Variants in CPNE4 observed in about 807,000 individuals in gnomAD.
The protein encoded by CPNE4 is copine-4.
Under a neutral mutation model 67.9 loss-of-function variants are expected in CPNE4, and 25 were observed. The ratio of observed to expected loss-of-function variants is 0.37; its 90% CI spans 0.27 to 0.51. CPNE4 has a LOEUF of 0.51. CPNE4 is among the 20% of genes least tolerant of loss of function. The pLI is 0.93. For missense variants in CPNE4, 464 were observed against 690.8 expected (o/e 0.67, Z 3.68); for synonymous variants, 242 against 244.9 (o/e 0.99, Z 0.11).
intron 7 of CPNE4, among the ~76,000 whole-genome samples, chr3:131,606,941 T>G (rs2107734292): frequency 6.6e-6 from 1 of 151,958 alleles, no homozygotes; most frequent in South Asian, 2.1e-4. Context: ...CAGCCATTTC[T>G]GGCCAATCTT....
At chr3:131,839,815 C>T (rs898220567) in intron 2 of CPNE4, among the ~76,000 whole-genome samples, 2 of 152,110 alleles carry the variant, frequency 1.3e-5, no homozygotes, top group African/African-American at 4.8e-5. Flanking sequence ...TACCAGGTAA[C>T]CCCAGGCAGA....
intron 6 of CPNE4, among the ~76,000 whole-genome samples, chr3:131,683,145 G>A (rs564024743): frequency 1.6e-4 from 25 of 152,256 alleles, no homozygotes; most frequent in Middle Eastern, 3.4e-3. Flanking sequence ...TGGCTGAGCT[G>A]GTACCTAAGT....
At chr3:131,969,184 C>T (rs1378294073) in intron 1 of CPNE4, among the ~76,000 whole-genome samples, 1 of 151,866 alleles carries the variant, frequency 6.6e-6, no homozygotes, top group African/African-American at 2.4e-5. Flanking sequence ...GGAAGGGGAA[C>T]ATCACACACC....
At chr3:132,006,570 C>T (rs1388184784) in intron 1 of CPNE4, among the ~76,000 whole-genome samples, 2 of 152,026 alleles carry the variant, frequency 1.3e-5, no homozygotes, top group Admixed American at 1.3e-4. Flanking sequence ...TCATACAACT[C>T]GAAATCTTCT....
chr3:131,947,097 T>A (rs989045355), intron 1 of CPNE4, among the ~76,000 whole-genome samples: 1 of 152,204 alleles, frequency 6.6e-6, no homozygotes. Context: ...ACTGTTGTGA[T>A]TATTGTAGCT....
chr3:131,867,000 C>T (rs2086979965), intron 2 of CPNE4, among the ~76,000 whole-genome samples: 2 of 152,136 alleles, frequency 1.3e-5, no homozygotes, highest in African/African-American at 4.8e-5. Flanking sequence ...TAAGACACCA[C>T]CTGGCATTAA....
At chr3:131,570,446 A>G (rs1373705356) in intron 10 of CPNE4, among the ~76,000 whole-genome samples, 1 of 152,052 alleles carries the variant, frequency 6.6e-6, no homozygotes, top group Non-Finnish European at 1.5e-5. Context: ...CTAACGTGTC[A>G]TCTAGCATTA....
intron 2 of CPNE4, among the ~76,000 whole-genome samples, chr3:131,840,279 C>A (rs1460218489): frequency 6.7e-6 from 1 of 149,010 alleles, no homozygotes; most frequent in Admixed American, 6.9e-5. Flanking sequence ...ATTTCCTCTG[C>A]AGTGAGCCCT....
At chr3:131,649,679 A>G (rs1042476037) in intron 7 of CPNE4, among the ~76,000 whole-genome samples, 2 of 152,106 alleles carry the variant, frequency 1.3e-5, no homozygotes, top group Admixed American at 6.6e-5. Context: ...ATCAATTCTT[A>G]TAGGGTTTGG....
intron 3 of CPNE4, among the ~76,000 whole-genome samples, chr3:131,716,653 A>T (rs995189248): frequency 2.0e-5 from 3 of 152,182 alleles, no homozygotes; most frequent in African/African-American, 7.2e-5. Context: ...GATTCTTGCC[A>T]CAGTAATAAC....
chr3:131,612,637 C>G (rs1939918210), intron 7 of CPNE4, among the ~76,000 whole-genome samples: 1 of 152,072 alleles, frequency 6.6e-6, no homozygotes, highest in Non-Finnish European at 1.5e-5. Context: ...ATCATTCATC[C>G]CCCGATTACT....
At chr3:131,562,601 T>C (rs1388095498) in intron 11 of CPNE4, among the ~76,000 whole-genome samples, 3 of 152,036 alleles carry the variant, frequency 2.0e-5, no homozygotes, top group Non-Finnish European at 2.9e-5. Flanking sequence ...AGATTACTAA[T>C]GTGTGTATGC....
chr3:131,545,833 G>A (rs1460663073), intron 14 of CPNE4, among the ~76,000 whole-genome samples: 1 of 152,190 alleles, frequency 6.6e-6, no homozygotes. Context: ...GAAGGCCTAG[G>A]TGGGCGGATC....
intron 2 of CPNE4, among the ~76,000 whole-genome samples, chr3:131,754,623 T>C (rs1913289): frequency 0.32 from 48,905 of 152,060 alleles, 8,056 homozygotes; most frequent in South Asian, 0.42. Flanking sequence ...TTAGGTGATA[T>C]ACATTTAGGG....
chr3:131,723,526 C>T lies in CPNE4; in HGVS notation c.280G>A (p.Glu94Lys). 1 of 1,614,026 alleles carries T rather than the reference C, an allele frequency of 6.2e-7. No homozygotes were observed. Among genetic ancestry groups the T allele is most frequent in the Non-Finnish European group, 8.5e-7 (1 of 1,180,026 alleles). The change falls in exon 3 of 16, where the codon GAA becomes AAA. Residue 94 changes from glutamate to lysine, a missense_variant. This residue lies in a region of CPNE4 where 170 missense variants were observed against 203.3 expected (regional missense o/e 0.84). Coordinates refer to ENST00000429747, the MANE Select transcript of CPNE4 (RefSeq NM_130808.3). The part of the protein sequence containing the change: ...YFEEVQRLRF[E>K]VHDISSNHNG... ...TGGTTGCTGCTGATGTCATGGACTT[C>T]AAACCGCAGGCGCTGCACCTCCTCA...
intron 1 of CPNE4, among the ~76,000 whole-genome samples, chr3:132,016,624 G>A (rs1189436064): frequency 2.6e-5 from 4 of 152,150 alleles, no homozygotes; most frequent in Non-Finnish European, 5.9e-5. Context: ...CAAAAATAAA[G>A]ACCACTGCAC....
chr3:131,695,335 C>T (rs922888365), intron 5 of CPNE4, among the ~76,000 whole-genome samples: 15 of 152,172 alleles, frequency 9.9e-5, no homozygotes, highest in Admixed American at 9.8e-4. Context: ...GCAGGGGGCT[C>T]TTTCAATTCT....
In CPNE4 at chr3:131,960,120, T is replaced by TGGAGAGGGAGGGAGGAGAGGGAGGGA. The variant is rs6148070; in HGVS notation, c.-1-54702_-1-54677dup. 7.3e-3 allele frequency among the ~76,000 whole-genome samples: 1,069 copies of TGGAGAGGGAGGGAGGAGAGGGAGGGA among 147,426 alleles called. 14 individuals carry two copies. The highest frequency in any genetic ancestry group is 0.026 in the African/African-American group (1,021 of 39,430). On this transcript the variant is annotated intron_variant, in intron 1 of 15. Coordinates refer to ENST00000429747, the MANE Select transcript of CPNE4 (RefSeq NM_130808.3). Reference sequence around the variant, plus strand: ...GGGAGAGAGGAAAGCAGAGAAAGAGTGGAGAGGGAGGGAGGAGAGGGAGGG... The same window carrying TGGAGAGGGAGGGAGGAGAGGGAGGGA: ...GGGAGAGAGGAAAGCAGAGAAAGAGTGGAGAGGGAGGGAGGAGAGGGAGGGAGGAGAGGGAGGGAGGAGAGGGAGGG...
intron 3 of CPNE4, among the ~76,000 whole-genome samples, chr3:131,701,296 A>T (rs1484093389): frequency 1.3e-5 from 2 of 152,152 alleles, no homozygotes; most frequent in African/African-American, 4.8e-5. Flanking sequence ...AGAGGGAACA[A>T]CATCATCCAT....
Sources: allele counts gnomAD v4.1 joint callset (sites outside exome capture counted in the v4.1 genomes callset), GRCh38; gene constraint gnomAD v4.1.1; regional missense constraint gnomAD v4.1.1; transcripts MANE v1.5; gene names NCBI Gene and HGNC (gene_info 2026-07-23, HGNC 2026-07-21).